Variants in RIMS4 observed in about 807,000 individuals in gnomAD.
RIMS4 encodes the protein regulating synaptic membrane exocytosis protein 4.
In RIMS4, 9 loss-of-function variants were observed where a neutral mutation model predicts 29.0. The ratio of observed to expected loss-of-function variants is 0.31; its 90% CI spans 0.19 to 0.54. The LOEUF (loss-of-function observed/expected upper bound fraction) is 0.54, where lower values mean the gene tolerates loss of function less well. Among genes scored for constraint, RIMS4 ranks in the 20% least tolerant of loss-of-function variants. RIMS4 has a pLI of 0.94. For missense variants in RIMS4, 193 were observed against 365.7 expected, an observed-to-expected ratio of 0.53 and a Z score of 3.85; for synonymous variants, 130 against 152.9, an observed-to-expected ratio of 0.85 and a Z score of 1.10.
At chr20:44,800,589 G>A (rs935950786) in intron 1 of RIMS4, among the ~76,000 whole-genome samples, 12 of 151,878 alleles carry the variant, frequency 7.9e-5, no homozygotes, top group Non-Finnish European at 1.6e-4. Context: ...ACTGGCAGGA[G>A]GGGGCGCTCT....
chr20:44,757,096 G>A, intron 4 of RIMS4, 59 bp from the exon 5 acceptor site: 2 of 1,573,516 alleles, frequency 1.3e-6, no homozygotes, highest in Non-Finnish European at 1.7e-6. Flanking sequence ...GTGGGCAAAG[G>A]GTGCAACAGA....
intron 2 of RIMS4, among the ~76,000 whole-genome samples, chr20:44,764,103 C>CATTT (rs2066099594): frequency 4.0e-5 from 6 of 149,698 alleles, no homozygotes; most frequent in Non-Finnish European, 8.9e-5. Flanking sequence ...CCCATCCATC[C>CATTT]GTCCATCCAT....
chr20:44,806,190 C>T (rs748680295), intron 1 of RIMS4, among the ~76,000 whole-genome samples: 7 of 152,324 alleles, frequency 4.6e-5, no homozygotes, highest in East Asian at 3.9e-4. Context: ...CCAGCTTCTC[C>T]GCCCTTCTCC....
At chr20:44,774,094 T>C (rs1360304577) in intron 1 of RIMS4, among the ~76,000 whole-genome samples, 1 of 152,034 alleles carries the variant, frequency 6.6e-6, no homozygotes, top group Non-Finnish European at 1.5e-5. Context: ...ATGTCCACCA[T>C]CCAACCTCTA....
chr20:44,809,135 T>A (rs1038022583), intron 1 of RIMS4, among the ~76,000 whole-genome samples: 2 of 152,104 alleles, frequency 1.3e-5, no homozygotes, highest in Admixed American at 6.5e-5. Flanking sequence ...ATTTCAGAGA[T>A]GAGGAAATCC....
intron 1 of RIMS4, among the ~76,000 whole-genome samples, chr20:44,779,494 A>G (rs1380327890): frequency 1.3e-5 from 2 of 152,142 alleles, no homozygotes; most frequent in Non-Finnish European, 2.9e-5. Flanking sequence ...AAAATCACCT[A>G]GTGTATATTC....
At chr20:44,766,164 C>T (rs981543092) in intron 2 of RIMS4, among the ~76,000 whole-genome samples, 1 of 152,160 alleles carries the variant, frequency 6.6e-6, no homozygotes, top group Non-Finnish European at 1.5e-5. Context: ...CTTCTGCCCA[C>T]GCCCAGGACA....
chr20:44,803,427 C>G (rs190286348), intron 1 of RIMS4, among the ~76,000 whole-genome samples: 1 of 152,304 alleles, frequency 6.6e-6, no homozygotes, highest in South Asian at 2.1e-4. Context: ...AAAGCCAGAC[C>G]TGGAAGCAGC....
At chr20:44,764,260 A>ATCCATCCATCTATCCATC (rs1555859479) in intron 2 of RIMS4, among the ~76,000 whole-genome samples, 1 of 151,784 alleles carries the variant, frequency 6.6e-6, no homozygotes, top group Admixed American at 6.6e-5. Context: ...CCATCCTCCC[A>ATCCATCCATCTATCCATC]CAAACTCACC....
chr20:44,795,695 G>C lies in RIMS4; in HGVS notation c.97+14480C>G, dbSNP rs574175339. Reference sequence around the variant, plus strand: ...CAGAGTAGTTTTGGGGCTCGAATGAGTGAATGGAAGTGAAGTGTCAGAATG... The same window carrying C: ...CAGAGTAGTTTTGGGGCTCGAATGACTGAATGGAAGTGAAGTGTCAGAATG... On this transcript the variant is annotated intron_variant, in intron 1 of 5. Coordinates refer to ENST00000372851, the MANE Select transcript of RIMS4 (RefSeq NM_182970.4). 9.2e-5 allele frequency among the ~76,000 whole-genome samples: 14 copies of C among 152,210 alleles called. No homozygotes were observed. The South Asian group carries it at 1.0e-3, about 11-fold the overall frequency.
intron 1 of RIMS4, among the ~76,000 whole-genome samples, chr20:44,785,075 T>C (rs998252192): frequency 3.9e-5 from 6 of 152,230 alleles, no homozygotes; most frequent in African/African-American, 1.2e-4. Flanking sequence ...CCATTCACTC[T>C]TTTCTGATTT....
In RIMS4 at chr20:44,786,545, G is replaced by T. The variant is rs6031792; in HGVS notation, c.98-15132C>A. Among the ~76,000 whole-genome samples, 113 of 152,318 alleles carry T rather than the reference G, an allele frequency of 7.4e-4. 1 individual carries two copies. The highest frequency in any genetic ancestry group is 2.5e-3 in the African/African-American group (105 of 41,572). On this transcript the variant is annotated intron_variant, in intron 1 of 5. Coordinates refer to ENST00000372851, the MANE Select transcript of RIMS4 (RefSeq NM_182970.4). ...GCAGCATTGAACAAGACAGATGGGGGTCCTCACCCACTGAGCTCTTCTAGT... is the reference window on the plus strand; with the variant it reads ...GCAGCATTGAACAAGACAGATGGGGTTCCTCACCCACTGAGCTCTTCTAGT...
chr20:44,771,720 T>C lies in RIMS4; in HGVS notation c.98-307A>G, dbSNP rs563442433. 2.8e-3 allele frequency among the ~76,000 whole-genome samples: 428 copies of C among 152,356 alleles called. 2 individuals are homozygous for C. Among genetic ancestry groups the C allele is most frequent in the Non-Finnish European group, 5.1e-3 (350 of 68,020 alleles). On this transcript the variant is annotated intron_variant, in intron 1 of 5. Transcript: ENST00000372851. The stretch of plus-strand genomic sequence containing the variant: ...TTCCTCCTCTTCAGCTACTATTTAT[T>C]GAGCACCTACTATGTGTCCTACTGT...
intron 2 of RIMS4, 66 bp downstream of exon 2, chr20:44,771,209 C>T: frequency 6.5e-7 from 1 of 1,547,736 alleles, no homozygotes. Flanking sequence ...AGGGGTTGCT[C>T]AGTCCCTCCC....
In RIMS4 at chr20:44,810,073, G is replaced by C. The variant is rs1832056542; in HGVS notation, c.97+102C>G. The stretch of plus-strand genomic sequence containing the variant: ...AGGAGACCCTGGGGGCGCCTTCCCA[G>C]GGGATTGGGGGTGGGGAGGAGGGCG... On this transcript the variant is annotated intron_variant, in intron 1 of 5. Coordinates refer to ENST00000372851, the MANE Select transcript of RIMS4 (RefSeq NM_182970.4). 1.3e-5 allele frequency: 7 copies of C among 546,494 alleles called. No individual in the cohort carries two copies. The South Asian group carries it at 1.3e-4, about 10-fold the overall frequency. 33.9% of individuals were successfully genotyped at this position (546,494 alleles called of 1,614,324 possible).
chr20:44,757,589 T>G, intron 4 of RIMS4, 81 bp downstream of exon 4: 1 of 1,159,346 alleles, frequency 8.6e-7, no homozygotes, highest in Non-Finnish European at 1.3e-6. Flanking sequence ...CCCAATTTTC[T>G]CTCTTCAAGG....
At chr20:44,781,961 G>A (rs76284704) in intron 1 of RIMS4, among the ~76,000 whole-genome samples, 65 of 152,246 alleles carry the variant, frequency 4.3e-4, no homozygotes, top group African/African-American at 1.5e-3. Flanking sequence ...CTATCCACAC[G>A]GAATTACTCA....
At chr20:44,760,679 C>T (rs1026356702) in intron 2 of RIMS4, among the ~76,000 whole-genome samples, 6 of 151,950 alleles carry the variant, frequency 3.9e-5, no homozygotes, top group African/African-American at 1.5e-4. Context: ...GTGTTATGGC[C>T]GGCGTCCATT....
At chr20:44,779,534 G>A (rs1036064867) in intron 1 of RIMS4, among the ~76,000 whole-genome samples, 5 of 152,196 alleles carry the variant, frequency 3.3e-5, no homozygotes, top group African/African-American at 9.7e-5. Context: ...TACCCAACAC[G>A]ACGTTTGTGG....
Sources: allele counts gnomAD v4.1 joint callset (sites outside exome capture counted in the v4.1 genomes callset), GRCh38; gene constraint gnomAD v4.1.1; transcripts MANE v1.5; gene names NCBI Gene and HGNC (gene_info 2026-07-23, HGNC 2026-07-21).